Variants in LMTK3 observed in about 807,000 individuals in gnomAD.
LMTK3 encodes the protein lemur tail kinase 3.
Under a neutral mutation model 116.7 loss-of-function variants are expected in LMTK3, and 27 were observed. The observed-to-expected ratio is 0.23, with a 90% CI of 0.17 to 0.32. The LOEUF is 0.32. Among genes scored for constraint, LMTK3 ranks in the 10% least tolerant of loss-of-function variants. The pLI is 1.00. For missense variants in LMTK3, 1,764 were observed against 2,068.5 expected (o/e 0.85, Z 2.86); for synonymous variants, 965 against 971.0 (o/e 0.99, Z 0.11).
At chr19:48,507,158 G>A (rs1446081618) in intron 5 of LMTK3, among the ~76,000 whole-genome samples, 2 of 152,194 alleles carry the variant, frequency 1.3e-5, no homozygotes, top group Non-Finnish European at 1.5e-5. Context: ...GACTTGGGGT[G>A]GCTGGTGTAG....
Position 48,497,995 on chromosome 19 carries a change from C to T in LMTK3, c.3074G>A (p.Arg1025Lys). 6.2e-7 allele frequency: 1 copy of T among 1,611,278 alleles called. No individual in the cohort carries two copies. Among genetic ancestry groups the T allele is most frequent in the Non-Finnish European group, 8.5e-7 (1 of 1,179,124 alleles). ...TERPPETGPW[R>K]APGPWEKTPE... ...CGTCTTCTCCCAGGGCCCTGGGGCTCTCCAAGGCCCAGTCTCTGGTGGCCT... is the reference window on the plus strand; with the variant it reads ...CGTCTTCTCCCAGGGCCCTGGGGCTTTCCAAGGCCCAGTCTCTGGTGGCCT... Residue 1025 changes from arginine (R) to lysine (K), a missense_variant, in exon 11 of 15, where the codon AGA (arginine) becomes AAA (lysine). Physicochemically the swap from Arg to Lys is conservative, Grantham distance 26. Coordinates refer to ENST00000600059, the MANE Select transcript of LMTK3 (RefSeq NM_001388485.1). This position sits in a 1 kb window ranked among gnomAD's most constrained non-coding sequence, Gnocchi z 5.7.
At chr19:48,496,457 C>G (rs574660705) in intron 11 of LMTK3, among the ~76,000 whole-genome samples, 1 of 152,136 alleles carries the variant, frequency 6.6e-6, no homozygotes, top group Non-Finnish European at 1.5e-5. Flanking sequence ...TACCATAAAG[C>G]CTGGCTAATT....
Position 48,508,886 on chromosome 19 carries a change from C to T in LMTK3, c.522G>A (p.Glu174=). The change falls in exon 5 of 15, where the codon GAG becomes GAA. Residue 174 remains glutamate (E), a synonymous_variant. Transcript: ENST00000600059. ...KELRASAGPL[E]QRKFISEAQP... is the part of the protein sequence containing the mutation. ...GTGCTTCCGAGATGAACTTGCGTTGCTCCAGGGGCCCCGCGCTGGCTCGGA... is the reference window on the plus strand; with the variant it reads ...GTGCTTCCGAGATGAACTTGCGTTGTTCCAGGGGCCCCGCGCTGGCTCGGA... The T allele has an allele frequency of 2.5e-6, 4 of 1,613,824 alleles. 1 individual carries two copies. Among genetic ancestry groups the T allele is most frequent in the South Asian group, 2.2e-5 (2 of 91,078 alleles).
chr19:48,506,590 C>G (rs1972574796), intron 5 of LMTK3, among the ~76,000 whole-genome samples: 1 of 152,190 alleles, frequency 6.6e-6, no homozygotes, highest in South Asian at 2.1e-4. Context: ...TGTGTGTAAC[C>G]GCGGCTCTGC....
In LMTK3 at chr19:48,501,275, G is replaced by T; in HGVS notation, c.1001+8C>A. On this transcript the variant is annotated splice_region_variant and intron_variant, in intron 9 of 14. Transcript: ENST00000600059. The stretch of plus-strand genomic sequence containing the variant: ...CCTGCCTCGGCCCCCGCGGCCCGTG[G>T]TCCTCACCAGATGTTGCTCTCGCGG... 1 of 1,613,226 alleles carries T rather than the reference G, an allele frequency of 6.2e-7. No individual in the cohort carries two copies. Among genetic ancestry groups the T allele is most frequent in the East Asian group, 2.2e-5 (1 of 44,870 alleles).
chr19:48,505,698 C>T (rs1189870279), intron 5 of LMTK3, among the ~76,000 whole-genome samples: 1 of 151,230 alleles, frequency 6.6e-6, no homozygotes, highest in Non-Finnish European at 1.5e-5. Context: ...CCTGTCTTTA[C>T]TAAAAATACA....
chr19:48,512,507 C>A (rs1972679041), upstream of LMTK3, among the ~76,000 whole-genome samples: 1 of 152,140 alleles, frequency 6.6e-6, no homozygotes, highest in African/African-American at 2.4e-5. Context: ...AAAGAATACC[C>A]ACAGACACAA....
intron 5 of LMTK3, among the ~76,000 whole-genome samples, chr19:48,507,094 G>GA (rs1384270826): frequency 6.6e-6 from 1 of 152,228 alleles, no homozygotes; most frequent in Non-Finnish European, 1.5e-5. Context: ...AAGTGTTCAT[G>GA]AAGCTCCTGC....
chr19:48,489,932 C>CGGCAGCAGAG (rs1172885051), intron 14 of LMTK3, among the ~76,000 whole-genome samples: 1 of 152,188 alleles, frequency 6.6e-6, no homozygotes, highest in African/African-American at 2.4e-5. Flanking sequence ...TTCCCTGGCT[C>CGGCAGCAGAG]GGCAGCAGAG....
In LMTK3 at chr19:48,494,084, C is replaced by A; in HGVS notation, c.3702G>T (p.Ala1234=). ...IKARLSRLSL[A]LPPLTLTPFP... ...ATGGCGTGAGCGTGAGCGGCGGCAG[C>A]GCCAGCGAGAGCCGGGAGAGCCTGG... is the stretch of plus-strand genomic sequence containing the variant. Residue 1234 remains alanine (A), a synonymous_variant, in exon 12 of 15, where the codon GCG becomes GCT. Coordinates refer to ENST00000600059, the MANE Select transcript of LMTK3 (RefSeq NM_001388485.1). The surrounding 1 kb of genome is among the most constrained non-coding windows in gnomAD (Gnocchi z 4.0). The A allele has an allele frequency of 8.4e-7, 1 of 1,196,422 alleles. No homozygotes were observed. The highest frequency in any genetic ancestry group is 1.0e-6 in the Non-Finnish European group (1 of 963,884). 74.1% of individuals were successfully genotyped at this position (1,196,422 alleles called of 1,614,324 possible).
At chr19:48,509,034 T>C in intron 4 of LMTK3, 65 bp from the exon 5 acceptor site, 2 of 1,088,808 alleles carry the variant, frequency 1.8e-6, no homozygotes, top group Non-Finnish European at 2.7e-6. Flanking sequence ...TGGGACCAGC[T>C]CCACTCCACC....
intron 10 of LMTK3, 23 bp from the exon 11 acceptor site, chr19:48,499,940 G>A (rs750165453): frequency 1.3e-6 from 2 of 1,560,510 alleles, no homozygotes; most frequent in Non-Finnish European, 1.7e-6. Flanking sequence ...GGGGCAGAGT[G>A]AGCAGGGCAG....
chr19:48,501,704 CCT>C, intron 7 of LMTK3, 142 bp from the exon 8 acceptor site: 1 of 840,584 alleles, frequency 1.2e-6, no homozygotes, highest in Admixed American at 2.1e-5. Context: ...CTGTCTCTCC[CCT>C]CTGACTGCTT....
chr19:48,513,332 A>G, upstream of LMTK3: 2 of 685,462 alleles, frequency 2.9e-6, no homozygotes, highest in Admixed American at 4.2e-5. The surrounding 1 kb of genome is among the most constrained non-coding windows in gnomAD (Gnocchi z 5.6). Context: ...GTATTTTTTA[A>G]TCATGCCCAT....
rs1972292335 is a variant in LMTK3 at position 48,494,567 on chromosome 19, G to A, written c.3677-458C>T. Among the ~76,000 whole-genome samples, 1 of 152,154 alleles carries A rather than the reference G, an allele frequency of 6.6e-6. No homozygotes were observed. The highest frequency in any genetic ancestry group is 1.5e-5 in the Non-Finnish European group (1 of 68,034). On this transcript the variant is annotated intron_variant, in intron 11 of 14. Coordinates refer to ENST00000600059, the MANE Select transcript of LMTK3 (RefSeq NM_001388485.1). The surrounding 1 kb of genome is among the most constrained non-coding windows in gnomAD (Gnocchi z 4.0). ...GCTGGTCTTGAACTCCTGACCTTAT[G>A]ATCTGCCCTCTTTGGCCTCCCAAAG...
chr19:48,489,035 G>A (rs945548536), intron 14 of LMTK3, among the ~76,000 whole-genome samples: 5 of 152,130 alleles, frequency 3.3e-5, no homozygotes, highest in African/African-American at 1.2e-4. Flanking sequence ...CACTGTGCCT[G>A]GCCTTAAATG....
Position 48,511,610 on chromosome 19 carries a change from GCGGCTGGGGAGGA to G in LMTK3, c.-47_-35del. The G allele has an allele frequency of 1.0e-6, 1 of 1,002,828 alleles. No homozygotes were observed. Among genetic ancestry groups the G allele is most frequent in the Non-Finnish European group, 1.4e-6 (1 of 728,560 alleles). 62.1% of individuals were successfully genotyped at this position (1,002,828 alleles called of 1,614,324 possible). On this transcript the variant is annotated 5_prime_UTR_variant, in exon 1 of 15. Transcript: ENST00000600059. ...GGATGGCAGGGAGGTGGAGGTGGTGGCGGCTGGGGAGGAGGGGGGGGCGGGCCCTCAGCCCCCA... is the reference window on the plus strand; with the variant it reads ...GGATGGCAGGGAGGTGGAGGTGGTGGGGGGGGGGCGGGCCCTCAGCCCCCA...
At chr19:48,506,749 C>G (rs1038112026) in intron 5 of LMTK3, among the ~76,000 whole-genome samples, 1 of 152,176 alleles carries the variant, frequency 6.6e-6, no homozygotes, top group Admixed American at 6.5e-5. Context: ...ACTGCAACCT[C>G]TGCCTCTGGG....
chr19:48,498,072 G>C lies in LMTK3; in HGVS notation c.2997C>G (p.Ser999Arg), dbSNP rs774664240. Residue 999 changes from serine (S) to arginine (R), a missense_variant, in exon 11 of 15, where the codon AGC becomes AGG. Ser to Arg is a moderately radical substitution (Grantham distance 110). Around this residue, in one of 7 missense-constraint regions of LMTK3, gnomAD observed 1,028 missense variants for 1,050.6 expected, o/e 0.98. Coordinates refer to ENST00000600059, the MANE Select transcript of LMTK3 (RefSeq NM_001388485.1). ...LVNGGLTPPKSEDKVSENGGL... is the reference protein window; with the variant it reads ...LVNGGLTPPKREDKVSENGGL... ...CCCCATTCTCTGACACCTTGTCCTC[G>C]CTCTTTGGGGGTGTCAGGCCCCCAT... 25 of 1,612,802 alleles carry C rather than the reference G, an allele frequency of 1.6e-5. No homozygotes were observed. In the South Asian group the frequency reaches 2.5e-4, roughly 16 times the overall value.
Sources: allele counts gnomAD v4.1 joint callset (sites outside exome capture counted in the v4.1 genomes callset), GRCh38; gene constraint gnomAD v4.1.1; regional missense constraint gnomAD v4.1.1; non-coding constraint Gnocchi (gnomAD v3.1); transcripts MANE v1.5; gene names NCBI Gene and HGNC (gene_info 2026-07-23, HGNC 2026-07-21).